Variants in LAMB3 observed in about 807,000 individuals in gnomAD.
LAMB3 encodes the protein laminin subunit beta-3.
LAMB3 carries 104 observed loss-of-function variants against 140.3 expected under a neutral mutation model. That is an observed-to-expected ratio of 0.74 (90% confidence interval 0.63 to 0.87). LAMB3 has a LOEUF of 0.87. Ranked by LOEUF, LAMB3 falls within the 40% of genes least tolerant of loss-of-function variation. The probability of loss-of-function intolerance (pLI) is 0.00; values close to 1 mark genes in which losing one functional copy is unlikely to be tolerated. For missense variants in LAMB3, 1,531 were observed against 1,575.2 expected (o/e 0.97, Z 0.47); for synonymous variants, 592 against 602.9 (o/e 0.98, Z 0.26).
intron 3 of LAMB3, among the ~76,000 whole-genome samples, chr1:209,645,143 C>A (rs970533583): frequency 6.6e-6 from 1 of 152,206 alleles, no homozygotes; most frequent in Non-Finnish European, 1.5e-5. Context: ...TCTCTGATAG[C>A]AATTTTTCCC....
chr1:209,637,195 T>C (rs1414432975), intron 5 of LAMB3, among the ~76,000 whole-genome samples: 1 of 152,244 alleles, frequency 6.6e-6, no homozygotes, highest in Non-Finnish European at 1.5e-5. Context: ...TAGAGCCAAC[T>C]TCTTCAGTCA....
chr1:209,627,626 C>T (rs1242820274), intron 11 of LAMB3, 47 bp from the exon 12 acceptor site: 2 of 1,584,804 alleles, frequency 1.3e-6, no homozygotes, highest in South Asian at 2.2e-5. Context: ...CCATGAAAAA[C>T]TCACCCCCAG....
In LAMB3 at chr1:209,650,137, G is replaced by C; in HGVS notation, c.29-19C>G. ...GGCAGGGCTGAAATCACAGGGATGT[G>C]TGATGGAGCAGTCCAGAAAAAAAGG... On this transcript the variant is annotated intron_variant, in intron 2 of 22. Coordinates refer to ENST00000356082, the MANE Select transcript of LAMB3 (RefSeq NM_000228.3). 6.2e-7 allele frequency: 1 copy of C among 1,608,188 alleles called. No individual in the cohort carries two copies. The highest frequency in any genetic ancestry group is 1.1e-5 in the South Asian group (1 of 90,272).
In LAMB3 at chr1:209,618,627, C is replaced by A. The variant is rs1318468361; in HGVS notation, c.2734G>T (p.Val912Phe). 6.2e-7 allele frequency: 1 copy of A among 1,613,834 alleles called. No individual in the cohort carries two copies. Among genetic ancestry groups the A allele is most frequent in the Non-Finnish European group, 8.5e-7 (1 of 1,180,012 alleles). The change falls in exon 19 of 23, where the codon GTC (valine) becomes TTC (phenylalanine). Residue 912 changes from valine to phenylalanine, a missense_variant. Coordinates refer to ENST00000356082, the MANE Select transcript of LAMB3 (RefSeq NM_000228.3). ...PDTDAATIQE[V>F]SEAVLALWLP... is the part of the protein sequence containing the mutation. ...CACAGGGCCAGCACGGCCTCGCTGA[C>A]CTCCTGGATAGTGGCTGCATCAGTG...
intron 10 of LAMB3, among the ~76,000 whole-genome samples, chr1:209,629,340 T>C (rs1370253297): frequency 1.3e-5 from 2 of 152,130 alleles, no homozygotes; most frequent in African/African-American, 2.4e-5. Flanking sequence ...AAATAGAAAA[T>C]TAAATCACAA....
chr1:209,621,375 T>G (rs1388279462), intron 18 of LAMB3, among the ~76,000 whole-genome samples: 1 of 152,210 alleles, frequency 6.6e-6, no homozygotes, highest in East Asian at 1.9e-4. Flanking sequence ...ATGCAAGTCA[T>G]GAGACCTCAG....
In LAMB3 at chr1:209,650,076, C is replaced by T. The variant is rs1300931830; in HGVS notation, c.71G>A (p.Gly24Glu). The change falls in exon 3 of 23, where the codon GGG becomes GAG. Residue 24 changes from glycine (G) to glutamate (E), a missense_variant. By Grantham distance (98) the Gly-to-Glu change is moderately conservative (BLOSUM62 -2). Coordinates refer to ENST00000356082, the MANE Select transcript of LAMB3 (RefSeq NM_000228.3). Reference sequence around the variant, plus strand: ...GTCCCCAACAGGTGGATAGCAGGCCCCACGGGAGCAGGCTTGTTGGGCATG... The same window carrying T: ...GTCCCCAACAGGTGGATAGCAGGCCTCACGGGAGCAGGCTTGTTGGGCATG... ...LLHAQQACSRGACYPPVGDLL... is the reference protein window; with the variant it reads ...LLHAQQACSREACYPPVGDLL... The T allele has an allele frequency of 6.2e-7, 1 of 1,614,090 alleles. No homozygotes were observed.
In LAMB3 at chr1:209,628,050, G is replaced by A; in HGVS notation, c.1273C>T (p.Pro425Ser). ...CCCTACTCACGGTGGCAGCCCTGCG[G>A]GTTGGCGTAGGTGAGTCCAGTGAAG... ...PGFTGLTYAN[P>S]QGCHRCDCNI... Residue 425 changes from proline (P) to serine (S), a missense_variant, in exon 11 of 23, where the codon CCG becomes TCG. Pro to Ser is a moderately conservative substitution (Grantham distance 74, BLOSUM62 -1). Transcript: ENST00000356082. The A allele has an allele frequency of 6.2e-7, 1 of 1,605,976 alleles. No homozygotes were observed. Among genetic ancestry groups the A allele is most frequent in the Non-Finnish European group, 8.5e-7 (1 of 1,176,088 alleles).
At chr1:209,632,798 G>A (rs1441346984) in intron 7 of LAMB3, 22 bp from the exon 8 acceptor site, 11 of 1,608,794 alleles carry the variant, frequency 6.8e-6, no homozygotes, top group East Asian at 2.2e-5. Context: ...AAACAGCAAG[G>A]AGGGAAGAGT....
At chr1:209,628,713 G>A (rs910841984) in intron 10 of LAMB3, among the ~76,000 whole-genome samples, 1 of 152,030 alleles carries the variant, frequency 6.6e-6, no homozygotes, top group Admixed American at 6.6e-5. Flanking sequence ...AAGAGAGAGA[G>A]AGAGAGAGAA....
chr1:209,637,852 C>T lies in LAMB3; in HGVS notation c.372+56G>A, dbSNP rs373900059. ...GACACTGTGCTCCTCCATGGCTCCA[C>T]GCCCACATGGCCCAGGAGCCCCTCT... On this transcript the variant is annotated intron_variant, in intron 5 of 22. Transcript: ENST00000356082. The T allele has an allele frequency of 6.9e-4, 955 of 1,387,486 alleles. No individual in the cohort carries two copies. In the Middle Eastern group the frequency reaches 8.2e-3, roughly 12 times the overall value. 85.9% of individuals were successfully genotyped at this position (1,387,486 alleles called of 1,614,324 possible).
chr1:209,625,767 GC>G lies in LAMB3; in HGVS notation c.1856del (p.Gly619AlafsTer7). The G allele has an allele frequency of 6.2e-7, 1 of 1,614,156 alleles. No individual in the cohort carries two copies. The highest frequency in any genetic ancestry group is 1.7e-5 in the Admixed American group (1 of 60,026). On this transcript the variant is annotated frameshift_variant, in exon 14 of 23. Transcript: ENST00000356082. LOFTEE classifies it high-confidence loss of function. ...LWSGPGLEDRGLASRILDAKS... is the reference protein window; with the variant it reads ...LWSGPGLEDRXLASRILDAKS... ...TTGCATCTAGGATCCGGGAGGCCAG[GC>G]CACGGTCCTCCAGCCCAGGCCCTGA...
Position 209,632,615 on chromosome 1 carries a change from C to A in LAMB3, c.790G>T (p.Gly264Trp). ...GCGGTGGAGGGGCCTGCAGAGGCCC[C>A]AGGCTTGGGTGCGCAGCGATCAGCA... ...GHADRCAPKP[G>W]ASAGPSTAVQ... Residue 264 changes from glycine (G) to tryptophan (W), a missense_variant, in exon 8 of 23, where the codon GGG (glycine) becomes TGG (tryptophan). Coordinates refer to ENST00000356082, the MANE Select transcript of LAMB3 (RefSeq NM_000228.3). 6.2e-7 allele frequency: 1 copy of A among 1,614,098 alleles called. No homozygotes were observed. The highest frequency in any genetic ancestry group is 1.1e-5 in the South Asian group (1 of 91,084).
intron 13 of LAMB3, 63 bp downstream of exon 13, chr1:209,626,804 C>T (rs1224455749): frequency 8.2e-7 from 1 of 1,219,028 alleles, no homozygotes; most frequent in African/African-American, 1.5e-5. Flanking sequence ...ACGCCCCCAC[C>T]ATGTGCCCAC....
At chr1:209,617,035 C>A (rs962679032) in intron 21 of LAMB3, among the ~76,000 whole-genome samples, 2 of 152,228 alleles carry the variant, frequency 1.3e-5, no homozygotes, top group African/African-American at 4.8e-5. Flanking sequence ...CTAATTCTGA[C>A]AATCATGGAG....
chr1:209,651,031 A>G (rs1417548938), intron 1 of LAMB3, 50 bp from the exon 2 acceptor site: 4 of 1,174,492 alleles, frequency 3.4e-6, no homozygotes, highest in Non-Finnish European at 5.1e-6. Flanking sequence ...CCCCTAGAGC[A>G]CACTAGCCCT....
At chr1:209,630,796 C>A in intron 8 of LAMB3, 61 bp from the exon 9 acceptor site, 2 of 1,574,776 alleles carry the variant, frequency 1.3e-6, no homozygotes, top group Non-Finnish European at 1.7e-6. Flanking sequence ...AGGGATGGAC[C>A]TGCCCACTGC....
At chr1:209,642,667 CGGG>C (rs2076480208) in intron 3 of LAMB3, among the ~76,000 whole-genome samples, 1 of 152,006 alleles carries the variant, frequency 6.6e-6, no homozygotes, top group Non-Finnish European at 1.5e-5. Flanking sequence ...TTAGTAGAGA[CGGG>C]ATTTCACCAT....
chr1:209,616,659 A>G, intron 21 of LAMB3, 35 bp from the exon 22 acceptor site: 1 of 1,610,192 alleles, frequency 6.2e-7, no homozygotes, highest in South Asian at 1.1e-5. Context: ...TGTCATTGTC[A>G]TCATGCAAGG....
Sources: allele counts gnomAD v4.1 joint callset (sites outside exome capture counted in the v4.1 genomes callset), GRCh38; gene constraint gnomAD v4.1.1; transcripts MANE v1.5; gene names NCBI Gene and HGNC (gene_info 2026-07-23, HGNC 2026-07-21).